Variants in TRIM9 observed in about 807,000 individuals in gnomAD.
The protein encoded by TRIM9 is tripartite motif containing 9.
Under a neutral mutation model 78.3 loss-of-function variants are expected in TRIM9, and 26 were observed. The observed-to-expected ratio is 0.33, with a 90% CI of 0.24 to 0.46. The LOEUF is 0.46. Ranked by LOEUF, TRIM9 falls within the 20% of genes least tolerant of loss-of-function variation. The probability of loss-of-function intolerance (pLI) is 1.00; values close to 1 mark genes in which losing one functional copy is unlikely to be tolerated. For missense variants in TRIM9, 787 were observed against 1,036.4 expected, an observed-to-expected ratio of 0.76 and a Z score of 3.30; for synonymous variants, 398 against 416.5, an observed-to-expected ratio of 0.96 and a Z score of 0.54.
chr14:50,997,243 T>C, intron 7 of TRIM9: 1 of 985,426 alleles, frequency 1.0e-6, no homozygotes. Flanking sequence ...TCAGAGGTTA[T>C]ATCTGGCCAT....
At chr14:51,089,080 T>G (rs560205828) in intron 1 of TRIM9, 1 of 152,212 alleles carries the variant, frequency 6.6e-6, no homozygotes, top group Non-Finnish European at 1.5e-5. Flanking sequence ...GATTTGTTAC[T>G]GGAGCATAGT....
intron 1 of TRIM9, among the ~76,000 whole-genome samples, chr14:51,074,933 C>T (rs1271673840): frequency 6.6e-6 from 1 of 152,192 alleles, no homozygotes; most frequent in Non-Finnish European, 1.5e-5. Flanking sequence ...GTTGAAGCCC[C>T]AATTGAGAAG....
chr14:51,034,264 A>G (rs2058963909), intron 1 of TRIM9, among the ~76,000 whole-genome samples: 1 of 152,232 alleles, frequency 6.6e-6, no homozygotes, highest in Non-Finnish European at 1.5e-5. Flanking sequence ...ATAGCACTCT[A>G]TGTGCCAGGA....
At chr14:51,010,769 G>C (rs2056470823) in intron 3 of TRIM9, among the ~76,000 whole-genome samples, 1 of 152,156 alleles carries the variant, frequency 6.6e-6, no homozygotes, top group Non-Finnish European at 1.5e-5. Context: ...GTGCATCAAC[G>C]AACACCTTCC....
At chr14:51,014,018 A>G (rs181511350) in intron 3 of TRIM9, among the ~76,000 whole-genome samples, 40 of 152,260 alleles carry the variant, frequency 2.6e-4, no homozygotes, top group Non-Finnish European at 3.7e-4. Flanking sequence ...TCTGCCCTTG[A>G]CTACAGGTAC....
chr14:50,980,302 C>G (rs934405213), intron 11 of TRIM9, among the ~76,000 whole-genome samples: 1 of 152,186 alleles, frequency 6.6e-6, no homozygotes, highest in Admixed American at 6.5e-5. Context: ...AGAATTGTGT[C>G]TTATGCTTCA....
intron 2 of TRIM9, among the ~76,000 whole-genome samples, chr14:51,024,698 T>C (rs895865294): frequency 6.6e-6 from 1 of 152,072 alleles, no homozygotes. Flanking sequence ...GGGATCATGG[T>C]TGAAAAATAT....
intron 2 of TRIM9, among the ~76,000 whole-genome samples, 154 bp from the exon 3 acceptor site, chr14:51,023,111 A>G (rs2057913970): frequency 6.6e-6 from 1 of 152,238 alleles, no homozygotes; most frequent in Admixed American, 6.5e-5. Flanking sequence ...GATAAACTTT[A>G]TTCTACAGTG....
At chr14:51,078,120 C>T (rs911149098) in intron 1 of TRIM9, among the ~76,000 whole-genome samples, 1 of 152,154 alleles carries the variant, frequency 6.6e-6, no homozygotes, top group African/African-American at 2.4e-5. Flanking sequence ...CAGTAAGGGC[C>T]TCACTCAGCC....
intron 3 of TRIM9, among the ~76,000 whole-genome samples, chr14:51,014,335 TTTG>T (rs2139675476): frequency 6.6e-6 from 1 of 152,006 alleles, no homozygotes; most frequent in African/African-American, 2.4e-5. Flanking sequence ...TCAGCAGGGG[TTTG>T]CAATTGGCTC....
At chr14:51,024,012 GA>G in intron 2 of TRIM9, among the ~76,000 whole-genome samples, 1 of 152,330 alleles carries the variant, frequency 6.6e-6, no homozygotes, top group African/African-American at 2.4e-5. Context: ...TTCGTATAAG[GA>G]ATGCATTAGT....
intron 1 of TRIM9, among the ~76,000 whole-genome samples, chr14:51,032,028 T>A (rs776301186): frequency 2.0e-5 from 3 of 152,236 alleles, no homozygotes; most frequent in East Asian, 1.9e-4. Flanking sequence ...TCTTTGTTGT[T>A]AGACTTGCAT....
At chr14:51,009,366 T>C (rs1164937881) in intron 4 of TRIM9, 133 bp from the exon 5 acceptor site, 1 of 1,074,612 alleles carries the variant, frequency 9.3e-7, no homozygotes, top group Non-Finnish European at 1.3e-6. Flanking sequence ...CTCAGTGCTG[T>C]TGGTGAGGAA....
chr14:51,024,783 A>C (rs1447084120), intron 2 of TRIM9, among the ~76,000 whole-genome samples: 1 of 152,156 alleles, frequency 6.6e-6, no homozygotes, highest in Non-Finnish European at 1.5e-5. Flanking sequence ...GCAGAAAGGG[A>C]GGAAGAAAAA....
intron 1 of TRIM9, among the ~76,000 whole-genome samples, chr14:51,057,771 C>G (rs7159294): frequency 0.27 from 41,598 of 151,958 alleles, 6,175 homozygotes; most frequent in African/African-American, 0.38. Flanking sequence ...AGCCTATTGA[C>G]TAGAAAAGTA....
chr14:51,086,179 T>C (rs887356482), intron 1 of TRIM9, among the ~76,000 whole-genome samples: 7 of 152,340 alleles, frequency 4.6e-5, no homozygotes, highest in African/African-American at 1.7e-4. Flanking sequence ...GTATGCTTCC[T>C]GGGCTTATCA....
chr14:50,996,839 C>T, intron 7 of TRIM9: 1 of 985,446 alleles, frequency 1.0e-6, no homozygotes, highest in South Asian at 4.7e-5. Context: ...GCATATCCTT[C>T]TCTTGGAATA....
At chr14:51,047,991 G>A (rs575224166) in intron 1 of TRIM9, among the ~76,000 whole-genome samples, 43 of 150,714 alleles carry the variant, frequency 2.9e-4, no homozygotes, top group African/African-American at 3.7e-4. Flanking sequence ...TACCAAATCC[G>A]TTAAGTGCAT....
intron 11 of TRIM9, 131 bp downstream of exon 11, chr14:50,981,669 C>A (rs762392143): frequency 2.6e-6 from 3 of 1,155,038 alleles, no homozygotes; most frequent in Admixed American, 2.0e-5. Context: ...CATAGATTGC[C>A]TGTGCTACTT....
Sources: allele counts gnomAD v4.1 joint callset (sites outside exome capture counted in the v4.1 genomes callset), GRCh38; gene constraint gnomAD v4.1.1; transcripts MANE v1.5; gene names NCBI Gene and HGNC (gene_info 2026-07-23, HGNC 2026-07-21).